Variants in PPP4R2 observed in about 807,000 individuals in gnomAD.
The protein encoded by PPP4R2 is serine/threonine-protein phosphatase 4 regulatory subunit 2.
Under a neutral mutation model 47.2 loss-of-function variants are expected in PPP4R2, and 13 were observed. The observed-to-expected ratio is 0.28, with a 90% CI of 0.18 to 0.44. The LOEUF (loss-of-function observed/expected upper bound fraction) is 0.44. Ranked by LOEUF, PPP4R2 falls within the 20% of genes least tolerant of loss-of-function variation. PPP4R2 has a pLI of 1.00. For synonymous variants in PPP4R2, 151 were observed against 163.3 expected (o/e 0.92, Z 0.57); for missense variants, 421 against 491.2 (o/e 0.86, Z 1.35).
intron 3 of PPP4R2, among the ~76,000 whole-genome samples, chr3:73,058,551 A>G (rs2107332716): frequency 6.6e-6 from 1 of 152,020 alleles, no homozygotes; most frequent in Middle Eastern, 3.4e-3. Context: ...GTAGGTTTAC[A>G]TATTTATGGG....
intron 3 of PPP4R2, among the ~76,000 whole-genome samples, chr3:73,052,423 T>G (rs1300650681): frequency 6.6e-6 from 1 of 152,092 alleles, no homozygotes; most frequent in African/African-American, 2.4e-5. Flanking sequence ...TAAAAGACCA[T>G]TTTATGCCCT....
intron 7 of PPP4R2, among the ~76,000 whole-genome samples, chr3:73,064,647 T>C (rs910085589): frequency 3.3e-5 from 5 of 152,178 alleles, no homozygotes; most frequent in African/African-American, 7.2e-5. Context: ...AAAGGTCATA[T>C]AGCTTTTCTG....
chr3:73,062,949 C>G (rs186196), intron 5 of PPP4R2: 1 of 1,518,326 alleles, frequency 6.6e-7, no homozygotes, highest in South Asian at 1.1e-5. Context: ...GAGAATGTTT[C>G]TAGATCAGTG....
At chr3:73,062,929 T>C in intron 5 of PPP4R2, 1 of 1,581,048 alleles carries the variant, frequency 6.3e-7, no homozygotes, top group Non-Finnish European at 8.7e-7. Flanking sequence ...TGACAACCTA[T>C]TAATGCTGTG....
chr3:73,026,349 T>G lies in PPP4R2; in HGVS notation c.117-20837T>G, dbSNP rs577915885. 6.6e-5 allele frequency among the ~76,000 whole-genome samples: 10 copies of G among 152,282 alleles called. No individual in the cohort carries two copies. In the South Asian group the frequency reaches 1.5e-3, roughly 22 times the overall value. On this transcript the variant is annotated intron_variant, in intron 2 of 8. Transcript: ENST00000356692. ...CCTTTGTGTACATTTTTTCTCCCTC[T>G]TCTGTGTTGCTCTTGACTTTGTGCT... is the stretch of plus-strand genomic sequence containing the variant.
At chr3:73,005,039 C>G in intron 2 of PPP4R2, among the ~76,000 whole-genome samples, 1 of 150,756 alleles carries the variant, frequency 6.6e-6, no homozygotes. Context: ...GCAGTGGCGC[C>G]ATCTCCGCTA....
intron 2 of PPP4R2, among the ~76,000 whole-genome samples, chr3:73,001,209 A>G (rs1331109519): frequency 6.6e-6 from 1 of 152,138 alleles, no homozygotes; most frequent in African/African-American, 2.4e-5. Context: ...TGCAATTCAG[A>G]ATGAGGAATA....
intron 2 of PPP4R2, among the ~76,000 whole-genome samples, chr3:73,019,395 A>G (rs994304222): frequency 1.3e-5 from 2 of 152,150 alleles, no homozygotes; most frequent in African/African-American, 2.4e-5. Context: ...TATTTTTGGG[A>G]CGGAGTCTTA....
intron 2 of PPP4R2, among the ~76,000 whole-genome samples, chr3:73,026,428 C>G (rs867418239): frequency 1.3e-4 from 20 of 152,072 alleles, no homozygotes; most frequent in African/African-American, 4.8e-4. Context: ...CTCCATTGAC[C>G]CTGAATTAGA....
chr3:72,999,709 T>G (rs143050601), intron 2 of PPP4R2, among the ~76,000 whole-genome samples: 1 of 152,244 alleles, frequency 6.6e-6, no homozygotes, highest in African/African-American at 2.4e-5. Context: ...TGATTTTTTT[T>G]GGACAGTTAT....
Position 73,020,672 on chromosome 3 carries a change from T to TA in PPP4R2, c.116+22533dup, listed in dbSNP as rs1553646728. On this transcript the variant is annotated intron_variant, in intron 2 of 8. Transcript: ENST00000356692. The stretch of plus-strand genomic sequence containing the variant: ...GCCACAGAGTGAGACCCTGTCTCTT[T>TA]AAAAAAAAAAAAAAAAAAAGTTAAA... Among the ~76,000 whole-genome samples, 428 of 133,214 alleles carry TA rather than the reference T, an allele frequency of 3.2e-3. 1 individual carries two copies. The highest frequency in any genetic ancestry group is 4.8e-3 in the South Asian group (19 of 3,988). 87.4% of individuals were successfully genotyped at this position (133,214 alleles called of 152,430 possible). A position where few individuals can be genotyped will look rare whatever the true frequency, so the allele number is the denominator to read the frequency against.
At position 73,065,554 on chromosome 3, in the gene PPP4R2, A is replaced by T. The variant is rs777193830; in HGVS notation, c.1086A>T (p.Glu362Asp). The T allele has an allele frequency of 1.3e-4, 206 of 1,612,938 alleles. 2 individuals are homozygous for T. The East Asian group carries it at 4.6e-3, about 36-fold the overall frequency. The change falls in exon 9 of 9, where the codon GAA (glutamate) becomes GAT (aspartate). Residue 362 changes from glutamate (E) to aspartate (D), a missense_variant. Coordinates refer to ENST00000356692, the MANE Select transcript of PPP4R2 (RefSeq NM_174907.4). Reference sequence around the variant, plus strand: ...CTGAGAAAGATTTGCTACATTCTGAAGGTAGTGAAAACGAAGGCCCTGTAA... The same window carrying T: ...CTGAGAAAGATTTGCTACATTCTGATGGTAGTGAAAACGAAGGCCCTGTAA... Reference protein sequence around the residue: ...SQAEKDLLHSEGSENEGPVSS... With the variant: ...SQAEKDLLHSDGSENEGPVSS...
In PPP4R2 at chr3:73,053,857, C is replaced by T. The variant is rs529484904; in HGVS notation, c.288-5180C>T. 9.5e-4 allele frequency among the ~76,000 whole-genome samples: 132 copies of T among 138,386 alleles called. 1 individual carries two copies. Among genetic ancestry groups the T allele is most frequent in the Non-Finnish European group, 1.7e-3 (115 of 66,302 alleles). The allele number at this position is 138,386 out of a possible 152,430, so 90.8% of individuals were successfully genotyped here. A position where few individuals can be genotyped will look rare whatever the true frequency, so the allele number is the denominator to read the frequency against. On this transcript the variant is annotated intron_variant, in intron 3 of 8. Coordinates refer to ENST00000356692, the MANE Select transcript of PPP4R2 (RefSeq NM_174907.4). ...CCAGGAGGCAGAGGTTGCAGTGAGC[C>T]GAGATGGTGCCACTGCACTCCAGCG...
chr3:73,033,482 A>AT (rs1702206431), intron 2 of PPP4R2, among the ~76,000 whole-genome samples: 1 of 152,154 alleles, frequency 6.6e-6, no homozygotes. Flanking sequence ...GAAAACTAGT[A>AT]TTTTTTAATT....
At chr3:73,044,235 G>T (rs111609273) in intron 2 of PPP4R2, among the ~76,000 whole-genome samples, 2,798 of 152,010 alleles carry the variant, frequency 0.018, 90 homozygotes, top group African/African-American at 0.063. Context: ...TGTTGTTGTT[G>T]TTGTTGTTTT....
chr3:73,062,008 T>C (rs1702869626), intron 5 of PPP4R2: 1 of 1,077,928 alleles, frequency 9.3e-7, no homozygotes, highest in Non-Finnish European at 1.3e-6. Flanking sequence ...AAAATATGTT[T>C]TGTTTTGCTC....
intron 3 of PPP4R2, among the ~76,000 whole-genome samples, chr3:73,055,665 C>T (rs997770567): frequency 2.6e-5 from 3 of 114,348 alleles, no homozygotes; most frequent in Admixed American, 1.6e-4. Flanking sequence ...GTAAACCAAA[C>T]GCTTTTTTTT....
At chr3:73,027,050 A>G (rs1702081066) in intron 2 of PPP4R2, among the ~76,000 whole-genome samples, 1 of 152,254 alleles carries the variant, frequency 6.6e-6, no homozygotes, top group South Asian at 2.1e-4. Context: ...CAAAGTGCTT[A>G]GAACAGTACC....
chr3:73,005,719 CT>C (rs1321887316), intron 2 of PPP4R2, among the ~76,000 whole-genome samples: 1 of 151,648 alleles, frequency 6.6e-6, no homozygotes, highest in African/African-American at 2.4e-5. Context: ...GCGGTGCATG[CT>C]TGTAATCCCA....
Sources: gnomAD v4.1 joint callset for allele counts (sites outside exome capture counted in the v4.1 genomes callset) on GRCh38, gnomAD v4.1.1 for gene constraint, MANE v1.5 for transcripts, NCBI Gene and HGNC (gene_info 2026-07-23, HGNC 2026-07-21) for gene names.